CAST: variants seen among roughly 807,000 people sequenced by gnomAD.
CAST encodes MIR583 host.
Under a neutral mutation model 119.6 loss-of-function variants are expected in CAST, and 76 were observed. The ratio of observed to expected loss-of-function variants is 0.64; its 90% CI spans 0.53 to 0.77. The LOEUF (loss-of-function observed/expected upper bound fraction) is 0.77. Ranked by LOEUF, CAST falls within the 30% of genes least tolerant of loss-of-function variation. The pLI is 0.00. For synonymous variants in CAST, 319 were observed against 331.6 expected, an observed-to-expected ratio of 0.96 and a Z score of 0.41; for missense variants, 953 against 946.5, an observed-to-expected ratio of 1.01 and a Z score of -0.09.
the CAST span, among the ~76,000 whole-genome samples, chr5:96,429,501 A>G: frequency 1.1e-4 from 17 of 152,160 alleles, no homozygotes; most frequent in Admixed American, 9.8e-4. Flanking sequence ...GGTTTGTTAC[A>G]TAGGTAAACT....
chr5:95,979,211 C>T, the CAST span, among the ~76,000 whole-genome samples: 1 of 152,088 alleles, frequency 6.6e-6, no homozygotes, highest in African/African-American at 2.4e-5. Flanking sequence ...CCTAAAACAA[C>T]CATTACTAAG....
the CAST span, among the ~76,000 whole-genome samples, chr5:96,145,339 C>A: frequency 6.6e-6 from 1 of 152,098 alleles, no homozygotes; most frequent in African/African-American, 2.4e-5. Context: ...TTGCAAAAAT[C>A]TGACTCCTCC....
intron 3 of CAST, among the ~76,000 whole-genome samples, chr5:96,719,629 G>C (rs755922578): frequency 3.9e-5 from 6 of 152,190 alleles, no homozygotes; most frequent in Non-Finnish European, 8.8e-5. Context: ...TCATTTGGGA[G>C]GGGTAGTATT....
intron 9 of CAST, 51 bp from the exon 10 acceptor site, chr5:96,736,121 T>G (rs1761585119): frequency 5.3e-5 from 58 of 1,094,452 alleles, no homozygotes; most frequent in Non-Finnish European, 7.3e-5. Context: ...GTAATAGTAT[T>G]GAGTTTTATT....
the CAST span, among the ~76,000 whole-genome samples, chr5:96,238,024 AT>A: frequency 6.6e-6 from 1 of 152,114 alleles, no homozygotes; most frequent in African/African-American, 2.4e-5. Context: ...CAAAAACATT[AT>A]TAGTCATCTC....
At chr5:96,171,730 T>C in the CAST span, among the ~76,000 whole-genome samples, 1 of 152,018 alleles carries the variant, frequency 6.6e-6, no homozygotes, top group Non-Finnish European at 1.5e-5. Flanking sequence ...GGCGCCAAGA[T>C]TGAAAGGAGA....
chr5:96,157,294 G>A, the CAST span, among the ~76,000 whole-genome samples: 245 of 152,300 alleles, frequency 1.6e-3, no homozygotes, highest in African/African-American at 5.6e-3. Context: ...ATCTGTAAAG[G>A]AAGTGGTTGG....
At chr5:96,209,581 T>C in the CAST span, among the ~76,000 whole-genome samples, 1 of 152,018 alleles carries the variant, frequency 6.6e-6, no homozygotes, top group African/African-American at 2.4e-5. Context: ...TGAAGTTTAG[T>C]TTGGCTGGAT....
In CAST at chr5:96,768,005, G is replaced by A. The variant is rs1770634916; in HGVS notation, c.2268+6G>A. ...CCTCACAGAACACAGCAAAGGTACT[G>A]TGCTTTTTCACATTTCACTCTTTGA... On this transcript the variant is annotated splice_donor_region_variant and intron_variant, in intron 29 of 31. Coordinates refer to ENST00000675179, the MANE Select transcript of CAST (RefSeq NM_001750.7). 6.3e-7 allele frequency: 1 copy of A among 1,591,022 alleles called. No homozygotes were observed. Among genetic ancestry groups the A allele is most frequent in the East Asian group, 2.2e-5 (1 of 44,778 alleles).
the CAST span, among the ~76,000 whole-genome samples, chr5:96,052,462 G>A: frequency 1.3e-5 from 2 of 152,210 alleles, no homozygotes; most frequent in African/African-American, 4.8e-5. Context: ...CCCAGGAATA[G>A]ATTAATTGGA....
intron 8 of CAST, 106 bp from the exon 9 acceptor site, chr5:96,730,674 C>T (rs781096726): frequency 7.9e-5 from 63 of 794,080 alleles, no homozygotes; most frequent in Non-Finnish European, 1.3e-4. Context: ...TTATGGTGTC[C>T]GTGAGGGTGA....
Position 96,615,561 on chromosome 5 carries a change from T to G in CAST, c.61-59978T>G, listed in dbSNP as rs150879065. Among the ~76,000 whole-genome samples the G allele has an allele frequency of 3.9e-4, 59 of 152,100 alleles. 1 individual carries two copies. The East Asian group carries it at 0.01, about 26-fold the overall frequency. ...GGGCTGTCCTTGGCTGAGACGCACA[T>G]TGAGGGAGAATTCAACCTGCTCCAC... On this transcript the variant is annotated intron_variant, in intron 1 of 11. Coordinates refer to the CAST transcript ENST00000505143.
At chr5:96,206,946 G>A in the CAST span, among the ~76,000 whole-genome samples, 2 of 152,088 alleles carry the variant, frequency 1.3e-5, no homozygotes, top group African/African-American at 4.8e-5. Flanking sequence ...AGCATGGAAT[G>A]TTTTTCTATT....
At chr5:96,485,371 T>A in the CAST span, among the ~76,000 whole-genome samples, 1 of 152,204 alleles carries the variant, frequency 6.6e-6, no homozygotes, top group Non-Finnish European at 1.5e-5. Context: ...GTTATTACCA[T>A]CTTTAAAATT....
the CAST span, among the ~76,000 whole-genome samples, chr5:96,016,324 A>G: frequency 6.6e-6 from 1 of 152,166 alleles, no homozygotes; most frequent in African/African-American, 2.4e-5. Context: ...AGAATGCTAT[A>G]CTCATTCTTT....
intron 1 of CAST, among the ~76,000 whole-genome samples, chr5:96,654,027 CTTT>C (rs71617134): frequency 1.6e-5 from 2 of 126,948 alleles, no homozygotes; most frequent in African/African-American, 3.0e-5. Context: ...CTTTTCTTTT[CTTT>C]TTTTTTTTTT....
intron 1 of CAST, among the ~76,000 whole-genome samples, chr5:96,530,398 T>C (rs1019261693): frequency 6.6e-6 from 1 of 152,104 alleles, no homozygotes; most frequent in African/African-American, 2.4e-5. Flanking sequence ...AGGCACTATA[T>C]TGGAGAGGGT....
intron 1 of CAST, among the ~76,000 whole-genome samples, chr5:96,635,143 T>G (rs992147309): frequency 2.0e-5 from 3 of 152,202 alleles, no homozygotes; most frequent in African/African-American, 7.2e-5. Context: ...GAGAGCAATG[T>G]GAGCAGAGAC....
intron 2 of CAST, among the ~76,000 whole-genome samples, chr5:96,693,577 A>T (rs1752971994): frequency 6.6e-6 from 1 of 152,098 alleles, no homozygotes; most frequent in Non-Finnish European, 1.5e-5. Context: ...AACAGACCTA[A>T]CCTCCTTCAG....
Sources: allele counts gnomAD v4.1 joint callset (sites outside exome capture counted in the v4.1 genomes callset), GRCh38; gene constraint gnomAD v4.1.1; transcripts MANE v1.5; gene names NCBI Gene and HGNC (gene_info 2026-07-23, HGNC 2026-07-21).